TRPM3: variants seen among roughly 807,000 people sequenced by gnomAD.
TRPM3 encodes transient receptor potential cation channel subfamily M member 3.
TRPM3 carries 77 observed loss-of-function variants against 181.2 expected under a neutral mutation model. The observed-to-expected ratio is 0.42, with a 90% CI of 0.35 to 0.51. The LOEUF is 0.51. Ranked by LOEUF, TRPM3 falls within the 20% of genes least tolerant of loss-of-function variation. TRPM3 has a pLI of 0.01. For synonymous variants in TRPM3, 745 were observed against 796.4 expected (o/e 0.94, Z 1.09); for missense variants, 1,759 against 2,196.7 (o/e 0.80, Z 3.98).
At chr9:71,117,729 T>G (rs1404528216) in intron 1 of TRPM3, among the ~76,000 whole-genome samples, 1 of 152,184 alleles carries the variant, frequency 6.6e-6, no homozygotes, top group African/African-American at 2.4e-5. Context: ...AGCAAACTCA[T>G]ATGATTTCTC....
chr9:70,878,140 C>A (rs368566584), intron 1 of TRPM3, among the ~76,000 whole-genome samples: 3 of 152,070 alleles, frequency 2.0e-5, no homozygotes, highest in Admixed American at 6.6e-5. Flanking sequence ...GATTTGAAAG[C>A]GAATTGTTAT....
At chr9:70,759,063 A>T (rs1273077589) in intron 8 of TRPM3, among the ~76,000 whole-genome samples, 1 of 152,234 alleles carries the variant, frequency 6.6e-6, no homozygotes, top group Non-Finnish European at 1.5e-5. Context: ...AATGAGATAA[A>T]ATTTTTGCAA....
chr9:70,534,223 T>A lies in TRPM3; in HGVS notation c.*1730A>T, dbSNP rs906899614. 6.6e-6 allele frequency: 1 copy of A among 152,204 alleles called. No individual in the cohort carries two copies. Among genetic ancestry groups the A allele is most frequent in the South Asian group, 2.1e-4 (1 of 4,832 alleles). The allele number at this position is 152,204 out of a possible 1,614,324, so 9.4% of individuals were successfully genotyped here. ...CAGATTGTACGTGGTGTAAAAACTT[T>A]GTTTAGGAAAAGCGAGACTAAATGA... On this transcript the variant is annotated 3_prime_UTR_variant, in exon 26 of 26. Transcript: ENST00000677713.
At chr9:71,017,897 A>T (rs991147067) in intron 1 of TRPM3, among the ~76,000 whole-genome samples, 4 of 151,890 alleles carry the variant, frequency 2.6e-5, no homozygotes, top group African/African-American at 9.7e-5. Context: ...CCAAGTAAAA[A>T]ATAATACTTG....
At position 70,602,877 on chromosome 9, in the gene TRPM3, G is replaced by A. The variant is rs1285973160; in HGVS notation, c.2796+465C>T. Among the ~76,000 whole-genome samples, 3 of 152,296 alleles carry A rather than the reference G, an allele frequency of 2.0e-5. No individual in the cohort carries two copies. The East Asian group carries it at 5.8e-4, about 29-fold the overall frequency. On this transcript the variant is annotated intron_variant, in intron 20 of 25. Transcript: ENST00000677713. ...AGAGTGGTTGGTGCCCAGCAGGTAC[G>A]AGCAGAATGTTAAGAAATAAACCAG...
chr9:71,340,009 T>C (rs1256559371), intron 1 of TRPM3, among the ~76,000 whole-genome samples: 1 of 152,120 alleles, frequency 6.6e-6, no homozygotes, highest in Non-Finnish European at 1.5e-5. Flanking sequence ...TAAGTAACTT[T>C]GAAAACAGGA....
At chr9:71,339,422 A>G (rs994838400) in intron 1 of TRPM3, among the ~76,000 whole-genome samples, 1 of 152,174 alleles carries the variant, frequency 6.6e-6, no homozygotes, top group Non-Finnish European at 1.5e-5. Context: ...CCTGATATTT[A>G]CATATGCTAC....
intron 1 of TRPM3, among the ~76,000 whole-genome samples, chr9:70,970,270 C>T (rs865922458): frequency 1.3e-5 from 2 of 152,180 alleles, no homozygotes; most frequent in South Asian, 4.2e-4. Context: ...AAATGATGCC[C>T]CTTAGGGTCA....
At chr9:70,747,609 G>T (rs551105513) in intron 8 of TRPM3, among the ~76,000 whole-genome samples, 1 of 152,020 alleles carries the variant, frequency 6.6e-6, no homozygotes, top group Non-Finnish European at 1.5e-5. Context: ...TTGTTTTATG[G>T]TCTGTTTTTC....
At chr9:70,546,065 G>A (rs1038820136) in intron 25 of TRPM3, among the ~76,000 whole-genome samples, 5 of 152,186 alleles carry the variant, frequency 3.3e-5, no homozygotes, top group Middle Eastern at 3.2e-3. Flanking sequence ...GATCAGGTGT[G>A]TGGAGGAAAC....
At chr9:71,032,058 TTA>T (rs1491474327) in intron 1 of TRPM3, among the ~76,000 whole-genome samples, 3,713 of 9,868 alleles carry the variant, frequency 0.38, 250 homozygotes, top group Middle Eastern at 0.62. Context: ...ATTATATATA[TTA>T]TATATATTAT....
At chr9:70,954,702 C>T (rs2097046894) in intron 1 of TRPM3, among the ~76,000 whole-genome samples, 1 of 152,158 alleles carries the variant, frequency 6.6e-6, no homozygotes, top group Non-Finnish European at 1.5e-5. Context: ...TAACTTTAGT[C>T]TTTTCATGCA....
chr9:71,377,728 T>TA (rs1227167572), intron 1 of TRPM3, among the ~76,000 whole-genome samples: 1 of 152,024 alleles, frequency 6.6e-6, no homozygotes, highest in African/African-American at 2.4e-5. Context: ...ACACCAATGT[T>TA]ACTAACATCC....
intron 10 of TRPM3, 130 bp from the exon 11 acceptor site, chr9:70,639,324 T>A (rs2057701795): frequency 2.0e-6 from 2 of 988,672 alleles, no homozygotes; most frequent in South Asian, 3.4e-5. Flanking sequence ...TCTAAGAACA[T>A]GCTAGCAAGA....
chr9:71,087,359 G>C (rs1342698901), intron 1 of TRPM3, among the ~76,000 whole-genome samples: 4 of 151,990 alleles, frequency 2.6e-5, no homozygotes, highest in African/African-American at 4.8e-5. Flanking sequence ...CATTTCCTGG[G>C]AAAGATCTTT....
At chr9:71,025,702 G>A (rs1212456466) in intron 1 of TRPM3, among the ~76,000 whole-genome samples, 2 of 152,212 alleles carry the variant, frequency 1.3e-5, no homozygotes, top group South Asian at 4.1e-4. Context: ...AATGAGTTTG[G>A]GTTTTTTTCC....
At chr9:70,559,229 C>G (rs2048467840) in intron 22 of TRPM3, among the ~76,000 whole-genome samples, 1 of 152,180 alleles carries the variant, frequency 6.6e-6, no homozygotes, top group South Asian at 2.1e-4. Flanking sequence ...GGCTGAATGC[C>G]TGCAGACATG....
Position 70,536,704 on chromosome 9 carries a change from C to T in TRPM3, c.4409G>A (p.Ser1470Asn). ...LAPTDRPPSR[S>N]IDFEDITSMD... ...GGAGGTGATGTCCTCAAAATCAATG[C>T]TCCGGCTTGGAGGTCTGTCTGTGGG... The change falls in exon 26 of 26, where the codon AGC becomes AAC. Residue 1470 changes from serine (S) to asparagine (N), a missense_variant. Physicochemically the swap from Ser to Asn is conservative, Grantham distance 46. Coordinates refer to ENST00000677713, the MANE Select transcript of TRPM3 (RefSeq NM_001366145.2). The T allele has an allele frequency of 6.2e-7, 1 of 1,614,142 alleles. No individual in the cohort carries two copies. The highest frequency in any genetic ancestry group is 8.5e-7 in the Non-Finnish European group (1 of 1,180,028).
At chr9:71,004,016 C>T (rs376353419) in intron 1 of TRPM3, among the ~76,000 whole-genome samples, 167 of 152,266 alleles carry the variant, frequency 1.1e-3, no homozygotes, top group African/African-American at 3.1e-3. Context: ...TTGATCTTTC[C>T]ACTAGTCTAC....
Sources: allele counts gnomAD v4.1 joint callset (sites outside exome capture counted in the v4.1 genomes callset), GRCh38; gene constraint gnomAD v4.1.1; transcripts MANE v1.5; gene names NCBI Gene and HGNC (gene_info 2026-07-23, HGNC 2026-07-21).